Variants in LOC128462377 observed in about 807,000 individuals in gnomAD.
the LOC128462377 span, among the ~76,000 whole-genome samples, chr16:89,407,649 C>T: frequency 2.0e-5 from 3 of 151,942 alleles, no homozygotes; most frequent in Admixed American, 6.6e-5. Context: ...GGCGAGACGC[C>T]GTCTCTATCA....
the LOC128462377 span, among the ~76,000 whole-genome samples, chr16:89,321,669 C>G: frequency 6.6e-6 from 1 of 151,988 alleles, no homozygotes; most frequent in African/African-American, 2.4e-5. Context: ...TAAGAAAAAA[C>G]TTGTAATGAC....
the LOC128462377 span, among the ~76,000 whole-genome samples, chr16:89,365,426 C>A: frequency 6.6e-6 from 1 of 152,194 alleles, no homozygotes; most frequent in Non-Finnish European, 1.5e-5. Context: ...GCCACTGAGC[C>A]CAACCAGGGT....
chr16:89,363,481 TA>T, the LOC128462377 span, among the ~76,000 whole-genome samples: 86,455 of 147,938 alleles, frequency 0.58, 24,920 homozygotes, highest in Middle Eastern at 0.75. Context: ...ATAATAAAAT[TA>T]AAAAAAAAAA....
chr16:89,389,115 C>T, the LOC128462377 span, among the ~76,000 whole-genome samples: 1 of 152,008 alleles, frequency 6.6e-6, no homozygotes, highest in African/African-American at 2.4e-5. Context: ...GCCTCCAGGG[C>T]TCAGGCAATC....
At chr16:89,401,852 C>A in the LOC128462377 span, among the ~76,000 whole-genome samples, 1 of 152,002 alleles carries the variant, frequency 6.6e-6, no homozygotes, top group Admixed American at 6.5e-5. Flanking sequence ...CCGGGCGCAC[C>A]AGAGACTCCC....
the LOC128462377 span, among the ~76,000 whole-genome samples, chr16:89,371,647 T>A: frequency 6.6e-6 from 1 of 151,724 alleles, no homozygotes; most frequent in Non-Finnish European, 1.5e-5. Flanking sequence ...CAAGGAGGGG[T>A]GTGGAGGGCG....
the LOC128462377 span, among the ~76,000 whole-genome samples, chr16:89,355,944 C>T: frequency 2.6e-5 from 4 of 152,142 alleles, no homozygotes; most frequent in East Asian, 5.8e-4. Context: ...CTAAGTGACT[C>T]GCCCAAGACC....
the LOC128462377 span, among the ~76,000 whole-genome samples, chr16:89,360,323 C>T: frequency 6.6e-6 from 1 of 152,192 alleles, no homozygotes; most frequent in Non-Finnish European, 1.5e-5. Context: ...CCTGAAACTC[C>T]TGGGTTCAGG....
the LOC128462377 span, among the ~76,000 whole-genome samples, chr16:89,387,215 C>G: frequency 6.6e-6 from 1 of 151,256 alleles, no homozygotes; most frequent in Admixed American, 6.6e-5. Flanking sequence ...ACAGGAAGAT[C>G]TGGAGTGCCA....
At chr16:89,365,000 C>T in the LOC128462377 span, among the ~76,000 whole-genome samples, 1 of 152,212 alleles carries the variant, frequency 6.6e-6, no homozygotes, top group African/African-American at 2.4e-5. Flanking sequence ...TTCTAAGACG[C>T]TTCCCAAGCT....
chr16:89,357,120 G>GT, the LOC128462377 span, among the ~76,000 whole-genome samples: 1 of 152,244 alleles, frequency 6.6e-6, no homozygotes, highest in Non-Finnish European at 1.5e-5. Context: ...GAGGGACAGT[G>GT]TAAGGAAGGT....
chr16:89,362,935 G>A, the LOC128462377 span, among the ~76,000 whole-genome samples: 2,829 of 151,916 alleles, frequency 0.019, 79 homozygotes, highest in African/African-American at 0.065. Flanking sequence ...TCCAGCCAAT[G>A]GAAACCGGAC....
chr16:89,387,616 T>G, the LOC128462377 span, among the ~76,000 whole-genome samples: 1 of 141,600 alleles, frequency 7.1e-6, no homozygotes. Context: ...GAGCTTGCAG[T>G]GAGCCGAGAC....
chr16:89,348,870 C>T, the LOC128462377 span, among the ~76,000 whole-genome samples: 4 of 144,232 alleles, frequency 2.8e-5, no homozygotes, highest in Non-Finnish European at 4.5e-5. Flanking sequence ...GTTTTATTGT[C>T]TTTAAAAAAA....
the LOC128462377 span, among the ~76,000 whole-genome samples, chr16:89,394,366 C>G: frequency 6.6e-6 from 1 of 152,214 alleles, no homozygotes; most frequent in Admixed American, 6.5e-5. Context: ...CAGTGGCTCC[C>G]GCCCGTAATC....
At chr16:89,378,567 G>A in the LOC128462377 span, among the ~76,000 whole-genome samples, 7 of 152,296 alleles carry the variant, frequency 4.6e-5, no homozygotes, top group Admixed American at 2.6e-4. Flanking sequence ...ACAGCAGGCT[G>A]GAAATAGTCT....
chr16:89,407,307 A>G, the LOC128462377 span, among the ~76,000 whole-genome samples: 1 of 152,142 alleles, frequency 6.6e-6, no homozygotes, highest in Non-Finnish European at 1.5e-5. Context: ...CACGGGGGGA[A>G]AAAGAAAAAA....
the LOC128462377 span, among the ~76,000 whole-genome samples, chr16:89,370,972 C>T: frequency 6.6e-6 from 1 of 152,136 alleles, no homozygotes; most frequent in African/African-American, 2.4e-5. Context: ...CGAGACAACC[C>T]TAGGGCTCCG....
chr16:89,318,212 G>A, the LOC128462377 span, among the ~76,000 whole-genome samples: 1 of 151,988 alleles, frequency 6.6e-6, no homozygotes, highest in Non-Finnish European at 1.5e-5. Flanking sequence ...ACTTCCCCAC[G>A]CCACGCCTGG....
Sources: gnomAD v4.1 joint callset for allele counts (sites outside exome capture counted in the v4.1 genomes callset) on GRCh38, gnomAD v4.1.1 for gene constraint, MANE v1.5 for transcripts.